Variants in TMEM132D observed in about 807,000 individuals in gnomAD.
TMEM132D encodes the protein mature OL transmembrane protein.
TMEM132D carries 21 observed loss-of-function variants against 62.3 expected under a neutral mutation model. That is an observed-to-expected ratio of 0.34 (90% confidence interval 0.24 to 0.49). The LOEUF is 0.49. Among genes scored for constraint, TMEM132D ranks in the 20% least tolerant of loss-of-function variants. The pLI is 0.99. For synonymous variants in TMEM132D, 621 were observed against 575.6 expected (o/e 1.08, Z -1.13); for missense variants, 1,346 against 1,402.8 (o/e 0.96, Z 0.65).
rs1218623912 is a variant in TMEM132D, at chr12:129,094,673, T to C, written c.1444-9971A>G. Among the ~76,000 whole-genome samples the C allele has an allele frequency of 3.9e-5, 6 of 152,326 alleles. No homozygotes were observed. In the East Asian group the frequency reaches 7.7e-4, roughly 20 times the overall value. On this transcript the variant is annotated intron_variant, in intron 5 of 8. Coordinates refer to ENST00000422113, the MANE Select transcript of TMEM132D (RefSeq NM_133448.3). The stretch of plus-strand genomic sequence containing the variant: ...GAAATACCATTTGACCCAGCCATCC[T>C]ATTACTGGGTATATACCCAAAGGAT...
At chr12:129,707,770 C>T (rs925381) in intron 1 of TMEM132D, among the ~76,000 whole-genome samples, 138,762 of 152,164 alleles carry the variant, frequency 0.91, 64,351 homozygotes, top group Non-Finnish European at 1. Context: ...CAGATATTTG[C>T]GCTGGACGCA....
At chr12:129,574,121 G>A (rs1239634960) in intron 2 of TMEM132D, among the ~76,000 whole-genome samples, 2 of 151,934 alleles carry the variant, frequency 1.3e-5, no homozygotes, top group Non-Finnish European at 2.9e-5. Context: ...GAATTAGTGA[G>A]AGGCATGCTG....
chr12:129,771,556 C>A (rs10847942), intron 1 of TMEM132D, among the ~76,000 whole-genome samples: 3 of 152,170 alleles, frequency 2.0e-5, no homozygotes, highest in Non-Finnish European at 4.4e-5. Context: ...GGGCCATGTA[C>A]GTGCTTTGGA....
At chr12:129,355,170 G>A (rs1403196023) in intron 3 of TMEM132D, among the ~76,000 whole-genome samples, 2 of 152,172 alleles carry the variant, frequency 1.3e-5, no homozygotes, top group Admixed American at 6.5e-5. Context: ...CATTTGGAGA[G>A]ATCAAAAATA....
intron 1 of TMEM132D, among the ~76,000 whole-genome samples, chr12:129,816,620 T>C (rs1872353176): frequency 6.6e-6 from 1 of 152,186 alleles, no homozygotes; most frequent in Admixed American, 6.5e-5. Flanking sequence ...ACACAAATGA[T>C]GAAAACCATA....
At chr12:129,313,455 A>G (rs1480036237) in intron 4 of TMEM132D, among the ~76,000 whole-genome samples, 2 of 152,148 alleles carry the variant, frequency 1.3e-5, no homozygotes, top group African/African-American at 4.8e-5. Context: ...ACTTAGAATA[A>G]TAGTCTCCAA....
intron 4 of TMEM132D, among the ~76,000 whole-genome samples, chr12:129,318,236 A>T (rs965286338): frequency 3.9e-5 from 6 of 152,114 alleles, no homozygotes; most frequent in Non-Finnish European, 8.8e-5. Flanking sequence ...TCATATTACC[A>T]GGGTTGGTTT....
At chr12:129,108,822 T>C (rs1875586924) in intron 5 of TMEM132D, among the ~76,000 whole-genome samples, 1 of 152,204 alleles carries the variant, frequency 6.6e-6, no homozygotes, top group Admixed American at 6.5e-5. Flanking sequence ...AAAGATAAAT[T>C]GTACAGTGCC....
intron 5 of TMEM132D, among the ~76,000 whole-genome samples, chr12:129,092,567 C>T (rs750953685): frequency 8.6e-5 from 13 of 151,998 alleles, no homozygotes; most frequent in African/African-American, 1.4e-4. Flanking sequence ...TTGGTGGCGG[C>T]GCCTGTAATC....
rs80175242 is a variant in TMEM132D at position 129,616,231 on chromosome 12, CG to C, written c.968+83578del. Among the ~76,000 whole-genome samples, 298 of 152,284 alleles carry C rather than the reference CG, an allele frequency of 2.0e-3. 11 individuals carry two copies. In the East Asian group the frequency reaches 0.046, roughly 23 times the overall value. On this transcript the variant is annotated intron_variant, in intron 2 of 8. Coordinates refer to ENST00000422113, the MANE Select transcript of TMEM132D (RefSeq NM_133448.3). ...AATTAAGTGAAAGTTGAAGAAGTTGCGGTAGCCTTCAGCCATTTCTGATGCA... is the reference window on the plus strand; with the variant it reads ...AATTAAGTGAAAGTTGAAGAAGTTGCGTAGCCTTCAGCCATTTCTGATGCA...
Position 129,558,410 on chromosome 12 carries a change from G to C in TMEM132D, c.969-27205C>G, listed in dbSNP as rs144840740. Among the ~76,000 whole-genome samples the C allele has an allele frequency of 1.5e-3, 236 of 152,274 alleles. 1 individual carries two copies. The highest frequency in any genetic ancestry group is 5.3e-3 in the African/African-American group (220 of 41,558). On this transcript the variant is annotated intron_variant, in intron 2 of 8. Coordinates refer to ENST00000422113, the MANE Select transcript of TMEM132D (RefSeq NM_133448.3). ...GCAGCTTTAGAATATTTCAATTAGA[G>C]AGTGTTTAAAATGAGGAATTAGAAA...
intron 2 of TMEM132D, among the ~76,000 whole-genome samples, chr12:129,635,073 A>G (rs193017958): frequency 3.3e-5 from 5 of 152,364 alleles, no homozygotes; most frequent in African/African-American, 1.2e-4. Flanking sequence ...ATGTAATTAC[A>G]TCTACATAAT....
chr12:129,084,854 A>G (rs932253009), intron 5 of TMEM132D, 152 bp from the exon 6 acceptor site: 38 of 644,682 alleles, frequency 5.9e-5, no homozygotes, highest in African/African-American at 1.3e-4. Context: ...TATGGAGCAG[A>G]CATTGGGTGT....
At chr12:129,110,578 A>G (rs1339193054) in intron 5 of TMEM132D, 11 of 152,236 alleles carry the variant, frequency 7.2e-5, no homozygotes, top group Admixed American at 7.2e-4. Context: ...ACACTGCCCC[A>G]GAAGCACCCA....
chr12:129,542,278 C>T (rs1467037826), intron 2 of TMEM132D, among the ~76,000 whole-genome samples: 1 of 152,168 alleles, frequency 6.6e-6, no homozygotes, highest in East Asian at 1.9e-4. Context: ...AACCACAACC[C>T]CCTAATTTCA....
intron 1 of TMEM132D, among the ~76,000 whole-genome samples, chr12:129,872,447 G>A (rs1008595124): frequency 6.6e-5 from 10 of 152,194 alleles, no homozygotes; most frequent in Non-Finnish European, 1.2e-4. Context: ...GTCCCCAGCT[G>A]TGGCATTATC....
chr12:129,297,040 A>G lies in TMEM132D; in HGVS notation c.1299+40594T>C, dbSNP rs565090362. 2.6e-5 allele frequency among the ~76,000 whole-genome samples: 4 copies of G among 152,318 alleles called. No individual in the cohort carries two copies. The East Asian group carries it at 7.7e-4, about 29-fold the overall frequency. ...TCCTCTCTGCCTCTGGGTAAAATGT[A>G]TGTGCCTGTCCAGAGAAAGTTTCCT... On this transcript the variant is annotated intron_variant, in intron 4 of 8. Coordinates refer to ENST00000422113, the MANE Select transcript of TMEM132D (RefSeq NM_133448.3).
intron 1 of TMEM132D, among the ~76,000 whole-genome samples, chr12:129,804,594 G>T (rs1417992617): frequency 1.4e-5 from 2 of 140,116 alleles, no homozygotes; most frequent in Non-Finnish European, 3.1e-5. Context: ...ATACTGAATG[G>T]GCAAAAACTG....
In TMEM132D at chr12:129,700,214, G is replaced by T; in HGVS notation, c.564C>A (p.Asp188Glu). Residue 188 changes from aspartate to glutamate, a missense_variant, in exon 2 of 9, where the codon GAC becomes GAA. By Grantham distance (45) the Asp-to-Glu change is conservative. Transcript: ENST00000422113. ...EVRGSCRLQG[D>E]LGLCVAELEL... ...CCAGCTCGGCCACGCACAGCCCCAGGTCCCCCTGCAGCCGGCAGCTGCCCC... is the reference window on the plus strand; with the variant it reads ...CCAGCTCGGCCACGCACAGCCCCAGTTCCCCCTGCAGCCGGCAGCTGCCCC... The T allele has an allele frequency of 1.2e-6, 2 of 1,612,858 alleles. No homozygotes were observed. Among genetic ancestry groups the T allele is most frequent in the Non-Finnish European group, 1.7e-6 (2 of 1,179,920 alleles).
Sources: allele counts gnomAD v4.1 joint callset (sites outside exome capture counted in the v4.1 genomes callset), GRCh38; gene constraint gnomAD v4.1.1; transcripts MANE v1.5; gene names NCBI Gene and HGNC (gene_info 2026-07-23, HGNC 2026-07-21).